Variants in ZNF469 observed in about 807,000 individuals in gnomAD.
The protein encoded by ZNF469 is zinc finger protein 469.
Under a neutral mutation model 1.0 loss-of-function variants are expected in ZNF469, and 1 was observed. The observed-to-expected ratio is 1.00, with a 90% CI of 0.35 to 4.73. The LOEUF (loss-of-function observed/expected upper bound fraction) is 4.73. Ranked by LOEUF, ZNF469 falls within the 30% of genes most tolerant of loss-of-function variation. ZNF469 has a pLI of 0.16. For missense variants in ZNF469, 6,100 were observed against 5,356.3 expected, an observed-to-expected ratio of 1.14 and a Z score of -4.33; for synonymous variants, 2,703 against 2,363.4, an observed-to-expected ratio of 1.14 and a Z score of -4.17.
At chr16:88,350,948 T>C in the ZNF469 span, among the ~76,000 whole-genome samples, 65 of 152,262 alleles carry the variant, frequency 4.3e-4, no homozygotes, top group African/African-American at 1.5e-3. Flanking sequence ...TTTTGGACCC[T>C]GACTTCCAGA....
the ZNF469 span, among the ~76,000 whole-genome samples, chr16:88,167,670 T>C: frequency 8.6e-5 from 13 of 152,006 alleles, no homozygotes; most frequent in Admixed American, 1.3e-4. Flanking sequence ...CCTGATTCCA[T>C]CTCAGGAGCC....
At chr16:88,399,074 C>G (rs544853305) in intron 1 of ZNF469, among the ~76,000 whole-genome samples, 14 of 152,354 alleles carry the variant, frequency 9.2e-5, no homozygotes, top group African/African-American at 3.1e-4. Flanking sequence ...AATGGTCTCC[C>G]CTGTTCCGAG....
At chr16:88,375,150 A>G in the ZNF469 span, among the ~76,000 whole-genome samples, 1 of 152,226 alleles carries the variant, frequency 6.6e-6, no homozygotes, top group Admixed American at 6.5e-5. Context: ...ATTCATGACC[A>G]GCGTGGAAAT....
At chr16:88,166,685 G>A in the ZNF469 span, among the ~76,000 whole-genome samples, 23 of 151,752 alleles carry the variant, frequency 1.5e-4, no homozygotes, top group Non-Finnish European at 2.9e-4. This position sits in a 1 kb window ranked among gnomAD's most constrained non-coding sequence, Gnocchi z 4.5. Context: ...GCGCCACTGG[G>A]TGAGGCGTTT....
chr16:88,272,338 G>A, the ZNF469 span, among the ~76,000 whole-genome samples: 1 of 135,376 alleles, frequency 7.4e-6, no homozygotes, highest in South Asian at 2.5e-4. Context: ...GGTTAGATGG[G>A]TGGATGAATG....
the ZNF469 span, among the ~76,000 whole-genome samples, chr16:88,126,806 A>C: frequency 1.3e-5 from 2 of 150,338 alleles, no homozygotes; most frequent in South Asian, 2.1e-4. Flanking sequence ...GGCATGCACC[A>C]CCATACCCCG....
At chr16:88,301,634 T>A in the ZNF469 span, among the ~76,000 whole-genome samples, 1 of 152,190 alleles carries the variant, frequency 6.6e-6, no homozygotes, top group African/African-American at 2.4e-5. Context: ...CGTCCAGGAA[T>A]TCCCAGGAGC....
At chr16:88,375,130 A>G in the ZNF469 span, among the ~76,000 whole-genome samples, 1 of 152,258 alleles carries the variant, frequency 6.6e-6, no homozygotes, top group Non-Finnish European at 1.5e-5. Flanking sequence ...TTTTCTGGTT[A>G]TGAAATAGAA....
chr16:88,199,005 T>G, the ZNF469 span, among the ~76,000 whole-genome samples: 1,352 of 152,278 alleles, frequency 8.9e-3, 29 homozygotes, highest in African/African-American at 0.031. Flanking sequence ...TCTTCTGGGC[T>G]CTGCAGGCCG....
At chr16:88,127,488 A>G in the ZNF469 span, among the ~76,000 whole-genome samples, 3 of 152,224 alleles carry the variant, frequency 2.0e-5, no homozygotes, top group Non-Finnish European at 4.4e-5. Context: ...TGATTTCTCA[A>G]TACTTGCATT....
chr16:88,436,097 A>G lies in ZNF469; in HGVS notation c.8627A>G (p.His2876Arg), dbSNP rs1983014. 1,548,578 of 1,549,610 alleles carry G rather than the reference A, an allele frequency of 1. 773,781 individuals carry two copies. Among genetic ancestry groups the G allele is most frequent in the East Asian group, 1 (40,903 of 40,904 alleles). ...GGRLTRKRNP[H>R]VYGKRCEKPV... is the part of the protein sequence containing the mutation. ...CGCTTGACTAGAAAGAGGAACCCGC[A>G]TGTCTACGGGAAGCGCTGTGAGAAG... is the stretch of plus-strand genomic sequence containing the variant. Residue 2876 changes from histidine to arginine, a missense_variant, in exon 3 of 3, where the codon CAT becomes CGT. Physicochemically the swap from His to Arg is conservative, Grantham distance 29. Transcript: ENST00000565624.
At chr16:88,206,072 G>C in the ZNF469 span, among the ~76,000 whole-genome samples, 1 of 152,156 alleles carries the variant, frequency 6.6e-6, no homozygotes. Flanking sequence ...TGGTGAGGGA[G>C]GGGGGAGCTG....
At chr16:88,322,005 T>C in the ZNF469 span, among the ~76,000 whole-genome samples, 1 of 152,110 alleles carries the variant, frequency 6.6e-6, no homozygotes, top group Non-Finnish European at 1.5e-5. Flanking sequence ...CCTGGCGAGA[T>C]CTCTGTGGGA....
At chr16:88,121,871 G>A in the ZNF469 span, among the ~76,000 whole-genome samples, 129 of 152,350 alleles carry the variant, frequency 8.5e-4, no homozygotes, top group African/African-American at 3.0e-3. Context: ...CTGGCCACTA[G>A]AACAGAGGCT....
At chr16:88,311,833 CT>C in the ZNF469 span, among the ~76,000 whole-genome samples, 1 of 152,180 alleles carries the variant, frequency 6.6e-6, no homozygotes, top group Non-Finnish European at 1.5e-5. Context: ...ATGATATAGC[CT>C]GGGGCTTGTT....
the ZNF469 span, among the ~76,000 whole-genome samples, chr16:88,224,538 C>T: frequency 6.6e-6 from 1 of 152,132 alleles, no homozygotes; most frequent in Admixed American, 6.5e-5. Flanking sequence ...TGGCCTGCAG[C>T]GTGGCACTTA....
At chr16:88,146,466 G>A in the ZNF469 span, among the ~76,000 whole-genome samples, 805 of 152,264 alleles carry the variant, frequency 5.3e-3, 12 homozygotes, top group African/African-American at 0.018. Flanking sequence ...ACGCCCCCAG[G>A]TGCAGCACAG....
the ZNF469 span, among the ~76,000 whole-genome samples, chr16:88,266,637 T>A: frequency 6.6e-6 from 1 of 152,226 alleles, no homozygotes; most frequent in Non-Finnish European, 1.5e-5. Flanking sequence ...GAAGGTTACC[T>A]ATTGCTCTTT....
chr16:88,134,563 G>T, the ZNF469 span, among the ~76,000 whole-genome samples: 5 of 152,216 alleles, frequency 3.3e-5, no homozygotes, highest in African/African-American at 1.2e-4. Context: ...TAAGTTCCTG[G>T]AGGTGGAATT....
Sources: allele counts gnomAD v4.1 joint callset (sites outside exome capture counted in the v4.1 genomes callset), GRCh38; gene constraint gnomAD v4.1.1; non-coding constraint Gnocchi (gnomAD v3.1); transcripts MANE v1.5; gene names NCBI Gene and HGNC (gene_info 2026-07-23, HGNC 2026-07-21).